PHKB: variants seen among roughly 807,000 people sequenced by gnomAD.
The protein encoded by PHKB is phosphorylase b kinase regulatory subunit beta.
PHKB carries 122 observed loss-of-function variants against 152.1 expected under a neutral mutation model. The ratio of observed to expected loss-of-function variants is 0.80; its 90% CI spans 0.69 to 0.93. PHKB has a LOEUF of 0.93. Among genes scored for constraint, PHKB ranks in the 40% least tolerant of loss-of-function variants. The probability of loss-of-function intolerance (pLI) is 0.00; values close to 1 mark genes in which losing one functional copy is unlikely to be tolerated. For missense variants in PHKB, 1,304 were observed against 1,328.4 expected, an observed-to-expected ratio of 0.98 and a Z score of 0.29; for synonymous variants, 436 against 464.9, an observed-to-expected ratio of 0.94 and a Z score of 0.80.
Position 47,647,314 on chromosome 16 carries a change from G to A in PHKB, c.1609-1219G>A, listed in dbSNP as rs142749894. On this transcript the variant is annotated intron_variant, in intron 16 of 30. Transcript: ENST00000323584. Reference sequence around the variant, plus strand: ...AATTTTTGTATTATTAGTAGAGACCGGGTTTCACCATGTCGGCCAGGCTGG... The same window carrying A: ...AATTTTTGTATTATTAGTAGAGACCAGGTTTCACCATGTCGGCCAGGCTGG... Among the ~76,000 whole-genome samples, 583 of 152,048 alleles carry A rather than the reference G, an allele frequency of 3.8e-3. 5 individuals are homozygous for A. Among genetic ancestry groups the A allele is most frequent in the African/African-American group, 0.014 (561 of 41,466 alleles).
intron 16 of PHKB, among the ~76,000 whole-genome samples, chr16:47,642,966 C>A (rs1181965207): frequency 6.6e-6 from 1 of 152,156 alleles, no homozygotes; most frequent in Non-Finnish European, 1.5e-5. Context: ...TCTTAGTATT[C>A]AGCTGCAGGC....
chr16:47,473,402 A>G (rs1301319465), intron 1 of PHKB, among the ~76,000 whole-genome samples: 3 of 151,716 alleles, frequency 2.0e-5, no homozygotes, highest in Admixed American at 2.0e-4. Context: ...ATACATTCAT[A>G]CTTGTTCTCA....
intron 11 of PHKB, among the ~76,000 whole-genome samples, chr16:47,593,794 A>G (rs1972072639): frequency 6.6e-6 from 1 of 152,220 alleles, no homozygotes; most frequent in Non-Finnish European, 1.5e-5. Context: ...AAAAAATGAT[A>G]GCATATATAT....
chr16:47,594,144 T>C lies in PHKB; in HGVS notation c.1134T>C (p.Phe378=), dbSNP rs766477231. Residue 378 remains phenylalanine (F), a synonymous_variant, in exon 12 of 31, where the codon TTT becomes TTC. Transcript: ENST00000323584. ...TTATATTTTATATTTTAGGAGTTTT[T>C]AGAGGCAATCCTAAGCAAGTACAGG... The part of the protein sequence containing the change: ...FFLYMMIDGV[F]RGNPKQVQEY... 2 of 1,529,720 alleles carry C rather than the reference T, an allele frequency of 1.3e-6. No individual in the cohort carries two copies. Among genetic ancestry groups the C allele is most frequent in the Non-Finnish European group, 1.8e-6 (2 of 1,103,682 alleles). 94.8% of individuals were successfully genotyped at this position (1,529,720 alleles called of 1,614,324 possible).
At chr16:47,519,499 G>A (rs1365178429) in intron 6 of PHKB, among the ~76,000 whole-genome samples, 1 of 152,198 alleles carries the variant, frequency 6.6e-6, no homozygotes, top group Non-Finnish European at 1.5e-5. Context: ...AGATGGCTCA[G>A]TCATATGGCT....
rs191041524 is a variant in PHKB, at chr16:47,479,564, A to G, written c.77-17835A>G. Among the ~76,000 whole-genome samples the G allele has an allele frequency of 9.2e-5, 14 of 151,606 alleles. No homozygotes were observed. In the South Asian group the frequency reaches 1.0e-3, roughly 11 times the overall value. ...TTGGGATAGGGCCTGAGAAACTGCTATTCTAACAAGCTCCCAGGTGAGGCC... is the reference window on the plus strand; with the variant it reads ...TTGGGATAGGGCCTGAGAAACTGCTGTTCTAACAAGCTCCCAGGTGAGGCC... On this transcript the variant is annotated intron_variant, in intron 1 of 30. Coordinates refer to ENST00000323584, the MANE Select transcript of PHKB (RefSeq NM_000293.3).
rs757431058 is a variant in PHKB, at chr16:47,663,773, T to C, written c.2336+39T>C. ...TCCTTGTTGTTATGTTTTATTTTTG[T>C]GTTGTTATATTCGATAGCCTAAAGA... On this transcript the variant is annotated intron_variant, in intron 24 of 30. Coordinates refer to ENST00000323584, the MANE Select transcript of PHKB (RefSeq NM_000293.3). The C allele has an allele frequency of 3.4e-6, 4 of 1,162,410 alleles. No homozygotes were observed. In the Admixed American group the frequency reaches 6.7e-5, roughly 20 times the overall value. 72.0% of individuals were successfully genotyped at this position (1,162,410 alleles called of 1,614,324 possible). A position where few individuals can be genotyped will look rare whatever the true frequency, so the allele number is the denominator to read the frequency against.
At chr16:47,463,877 A>G (rs1328071015) in intron 1 of PHKB, 5 of 1,589,832 alleles carry the variant, frequency 3.1e-6, no homozygotes, top group Non-Finnish European at 4.3e-6. Context: ...ACCTTTACTA[A>G]ACAGTTTTAA....
intron 7 of PHKB, among the ~76,000 whole-genome samples, chr16:47,569,988 C>T (rs770800168): frequency 5.9e-5 from 9 of 152,310 alleles, no homozygotes; most frequent in East Asian, 1.9e-4. Flanking sequence ...CTACTGGTGA[C>T]GGATTCCCTC....
At chr16:47,656,985 C>CT (rs936822226) in intron 20 of PHKB, among the ~76,000 whole-genome samples, 4 of 151,986 alleles carry the variant, frequency 2.6e-5, no homozygotes, top group African/African-American at 9.7e-5. Flanking sequence ...TTGCCTTTTT[C>CT]TTTTTTTGTT....
chr16:47,549,557 T>C (rs1971234796), intron 7 of PHKB, among the ~76,000 whole-genome samples: 1 of 151,966 alleles, frequency 6.6e-6, no homozygotes, highest in African/African-American at 2.4e-5. Flanking sequence ...TAGCCTGGCA[T>C]GGTGGCATGC....
chr16:47,509,415 A>C (rs1307868088), intron 4 of PHKB, among the ~76,000 whole-genome samples: 1 of 152,126 alleles, frequency 6.6e-6, no homozygotes, highest in Non-Finnish European at 1.5e-5. Context: ...AGGTTCTTTA[A>C]TCATAAGGAG....
intron 14 of PHKB, among the ~76,000 whole-genome samples, chr16:47,633,026 T>C (rs1972853594): frequency 6.6e-6 from 1 of 152,206 alleles, no homozygotes; most frequent in South Asian, 2.1e-4. Context: ...GGTTAAGATG[T>C]TAAATTTAGG....
chr16:47,549,318 G>A (rs1156284733), intron 7 of PHKB, among the ~76,000 whole-genome samples: 1 of 152,120 alleles, frequency 6.6e-6, no homozygotes, highest in African/African-American at 2.4e-5. Context: ...TTCTTAATAA[G>A]CATTTAATAT....
rs1567340358 is a variant in PHKB, at chr16:47,647,619, TCCCTA to T, written c.1609-913_1609-909del. 4.1e-3 allele frequency among the ~76,000 whole-genome samples: 626 copies of T among 152,008 alleles called. 5 individuals carry two copies. Among genetic ancestry groups the T allele is most frequent in the African/African-American group, 0.014 (596 of 41,418 alleles). On this transcript the variant is annotated intron_variant, in intron 16 of 30. Coordinates refer to ENST00000323584, the MANE Select transcript of PHKB (RefSeq NM_000293.3). ...TTCATGCCATTTTCCTTTCTCAGCC[TCCCTA>T]GTAGCTGGGACTACAGGCACCCGCC...
chr16:47,663,222 A>C (rs1411920391), intron 23 of PHKB, among the ~76,000 whole-genome samples: 1 of 152,200 alleles, frequency 6.6e-6, no homozygotes, highest in Non-Finnish European at 1.5e-5. Context: ...TTTGAGCAGT[A>C]GCATATGTTG....
At chr16:47,478,975 GT>G (rs1295728858) in intron 1 of PHKB, among the ~76,000 whole-genome samples, 1 of 152,154 alleles carries the variant, frequency 6.6e-6, no homozygotes, top group South Asian at 2.1e-4. Context: ...TGGAGATCTT[GT>G]TTTTGGTGTT....
intron 13 of PHKB, among the ~76,000 whole-genome samples, chr16:47,597,406 G>A (rs1158771548): frequency 6.6e-6 from 1 of 152,092 alleles, no homozygotes; most frequent in African/African-American, 2.4e-5. Context: ...TCCAATTTGA[G>A]CTTTACATAA....
chr16:47,482,460 A>G (rs1373385448), intron 1 of PHKB, among the ~76,000 whole-genome samples: 2 of 152,204 alleles, frequency 1.3e-5, no homozygotes, highest in Non-Finnish European at 2.9e-5. Context: ...ATTCATTTTA[A>G]TTATACAGAT....
Sources: gnomAD v4.1 joint callset for allele counts (sites outside exome capture counted in the v4.1 genomes callset) on GRCh38, gnomAD v4.1.1 for gene constraint, MANE v1.5 for transcripts, NCBI Gene and HGNC (gene_info 2026-07-23, HGNC 2026-07-21) for gene names.